Variants in ENPP3 observed in about 807,000 individuals in gnomAD.
ENPP3 encodes the protein ectonucleotide pyrophosphatase/phosphodiesterase 3.
In ENPP3, 104 loss-of-function variants were observed where a neutral mutation model predicts 117.8. That is an observed-to-expected ratio of 0.88 (90% CI 0.75 to 1.04). The LOEUF (loss-of-function observed/expected upper bound fraction) is 1.04, where lower values mean the gene tolerates loss of function less well. ENPP3 is among the 50% of genes least tolerant of loss of function. The pLI is 0.00. For missense variants in ENPP3, 1,026 were observed against 1,051.9 expected (o/e 0.98, Z 0.34); for synonymous variants, 380 against 349.9 (o/e 1.09, Z -0.96).
intron 2 of ENPP3, among the ~76,000 whole-genome samples, chr6:131,641,980 A>C (rs1232598300): frequency 1.3e-5 from 2 of 151,470 alleles, no homozygotes; most frequent in African/African-American, 4.9e-5. Flanking sequence ...GTTTTAGTAG[A>C]GATGGGGTTT....
chr6:131,718,868 G>A (rs1196096507), intron 16 of ENPP3, 130 bp downstream of exon 16: 1 of 517,194 alleles, frequency 1.9e-6, no homozygotes, highest in Non-Finnish European at 3.5e-6. Flanking sequence ...TTACTCAGAT[G>A]TTAAGCCTAG....
At chr6:131,690,322 T>TA (rs1314508551) in intron 14 of ENPP3, among the ~76,000 whole-genome samples, 1 of 152,152 alleles carries the variant, frequency 6.6e-6, no homozygotes, top group African/African-American at 2.4e-5. Flanking sequence ...TTTAAGAAAT[T>TA]ACCACAGCCA....
In ENPP3 at chr6:131,674,172, C is replaced by T. The variant is rs751737303; in HGVS notation, c.653C>T (p.Pro218Leu). 68 of 1,545,264 alleles carry T rather than the reference C, an allele frequency of 4.4e-5. No homozygotes were observed. The African/African-American group carries it at 9.0e-4, about 20-fold the overall frequency. ...AAATTATCATTTTAGGGCTTGTATC[C>T]AGAGTCACATGGCATCATTGACAAT... The part of the protein sequence containing the change: ...NHYTIVTGLY[P>L]ESHGIIDNNM... Residue 218 changes from proline (P) to leucine (L), a missense_variant, in exon 8 of 25, where the codon CCA becomes CTA. By Grantham distance (98) the Pro-to-Leu change is moderately conservative. Transcript: ENST00000357639.
Position 131,677,910 on chromosome 6 carries a change from T to C in ENPP3, c.981T>C (p.Ser327=), listed in dbSNP as rs1778905574. The C allele has an allele frequency of 2.5e-6, 4 of 1,611,898 alleles. No individual in the cohort carries two copies. In the African/African-American group the frequency reaches 4.0e-5, roughly 16 times the overall value. Residue 327 remains serine, a synonymous_variant, in exon 11 of 25, where the codon TCT becomes TCC. Transcript: ENST00000357639. ...TGTATTTTGAAGAACCTGATTCCTC[T>C]GGACATGCAGGTGGACCAGTCAGTG... is the stretch of plus-strand genomic sequence containing the variant. ...YTMYFEEPDS[S]GHAGGPVSAR...
At position 131,737,441 on chromosome 6, in the gene ENPP3, G is replaced by T. The variant is rs772348056; in HGVS notation, c.2167+9G>T. The T allele has an allele frequency of 1.4e-5, 20 of 1,446,300 alleles. No homozygotes were observed. In the Admixed American group the frequency reaches 2.6e-4, roughly 19 times the overall value. 89.6% of individuals were successfully genotyped at this position (1,446,300 alleles called of 1,614,324 possible). A position where few individuals can be genotyped will look rare whatever the true frequency, so the allele number is the denominator to read the frequency against. On this transcript the variant is annotated intron_variant, in intron 22 of 24. Transcript: ENST00000357639. ...GTATGAAGAATTCAGAAGTAAGTAT[G>T]AATTTAGAGTATTAATTTTAAAATA...
In ENPP3 at chr6:131,643,923, CTGTG is replaced by C. The variant is rs754599772; in HGVS notation, c.154+2409_154+2412del. Reference sequence around the variant, plus strand: ...GCCCAAAAGAAGGAATCAGGGTCGTCTGTGTGTGTGTGTGTGTGTCTGTGTGTGT... The same window carrying C: ...GCCCAAAAGAAGGAATCAGGGTCGTCTGTGTGTGTGTGTGTCTGTGTGTGT... On this transcript the variant is annotated intron_variant, in intron 2 of 24. Transcript: ENST00000357639. Among the ~76,000 whole-genome samples the C allele has an allele frequency of 7.7e-5, 11 of 142,314 alleles. No individual in the cohort carries two copies. The East Asian group carries it at 2.0e-3, about 26-fold the overall frequency. 93.4% of individuals were successfully genotyped at this position (142,314 alleles called of 152,430 possible). A position where few individuals can be genotyped will look rare whatever the true frequency, so the allele number is the denominator to read the frequency against.
chr6:131,659,897 T>C (rs1456075326), intron 6 of ENPP3, among the ~76,000 whole-genome samples: 2 of 152,230 alleles, frequency 1.3e-5, no homozygotes, highest in Non-Finnish European at 2.9e-5. Context: ...GAACCTTTTC[T>C]AAAGTGAAAT....
intron 6 of ENPP3, among the ~76,000 whole-genome samples, chr6:131,667,747 A>G (rs1418013695): frequency 6.6e-6 from 1 of 152,200 alleles, no homozygotes; most frequent in East Asian, 1.9e-4. Context: ...GAGCCTCTCA[A>G]GTAGTTTCTG....
At chr6:131,707,422 TGTAA>T (rs1426481495) in intron 15 of ENPP3, among the ~76,000 whole-genome samples, 1 of 74,696 alleles carries the variant, frequency 1.3e-5, no homozygotes, top group African/African-American at 9.6e-5. Flanking sequence ...CTCTTGTAAA[TGTAA>T]GTGTTTTCTG....
intron 16 of ENPP3, among the ~76,000 whole-genome samples, chr6:131,719,382 A>C (rs1260438563): frequency 7.5e-6 from 1 of 133,126 alleles, no homozygotes; most frequent in Admixed American, 7.5e-5. Context: ...TTCCATTTGT[A>C]ACACACACAC....
chr6:131,675,187 C>T lies in ENPP3; in HGVS notation c.870C>T (p.Asn290=), dbSNP rs142885538. ...GSFPSIYMPY[N]GSVPFEERIS... ...TTCCTTCCATATACATGCCTTACAA[C>T]GGGTAGTGAAGCACTTTCAGATATT... The change falls in exon 9 of 25, where the codon AAC becomes AAT. Residue 290 remains asparagine, a splice_region_variant and synonymous_variant. Coordinates refer to ENST00000357639, the MANE Select transcript of ENPP3 (RefSeq NM_005021.5). 3.8e-4 allele frequency: 592 copies of T among 1,548,178 alleles called. No individual in the cohort carries two copies. The highest frequency in any genetic ancestry group is 9.6e-4 in the South Asian group (86 of 89,626).
chr6:131,673,810 A>T (rs1007510149), intron 7 of ENPP3, among the ~76,000 whole-genome samples: 11 of 152,166 alleles, frequency 7.2e-5, no homozygotes, highest in African/African-American at 2.7e-4. Flanking sequence ...CCTAAACAAT[A>T]CAACAATGAT....
chr6:131,701,831 G>C (rs1361375786), intron 15 of ENPP3, among the ~76,000 whole-genome samples: 1 of 149,140 alleles, frequency 6.7e-6, no homozygotes, highest in East Asian at 2.0e-4. Context: ...GCAGTGAGCC[G>C]AGATCGCAAC....
In ENPP3 at chr6:131,685,084, G is replaced by A. The variant is rs558311752; in HGVS notation, c.1121-280G>A. On this transcript the variant is annotated intron_variant, in intron 12 of 24. Coordinates refer to ENST00000357639, the MANE Select transcript of ENPP3 (RefSeq NM_005021.5). ...CAGGTGTGAGCCACGGAGCACAGCC[G>A]AAATAATATACTTTTAAAGGTAAAG... 3.0e-4 allele frequency among the ~76,000 whole-genome samples: 45 copies of A among 152,162 alleles called. 3 individuals are homozygous for A. In the South Asian group the frequency reaches 6.0e-3, roughly 20 times the overall value.
chr6:131,687,412 G>C lies in ENPP3; in HGVS notation c.1284+1505G>C, dbSNP rs537588239. ...TAAGACCTCAAACTATAAAAATCCT[G>C]GAAGGCAACCTAGGAAATACTCTTC... On this transcript the variant is annotated intron_variant, in intron 14 of 24. Transcript: ENST00000357639. 3.9e-5 allele frequency among the ~76,000 whole-genome samples: 6 copies of C among 152,224 alleles called. No homozygotes were observed. In the East Asian group the frequency reaches 9.6e-4, roughly 24 times the overall value.
intron 4 of ENPP3, 28 bp downstream of exon 4, chr6:131,652,695 C>T (rs1454412036): frequency 6.2e-7 from 1 of 1,613,422 alleles, no homozygotes; most frequent in Non-Finnish European, 8.5e-7. Flanking sequence ...GACTCATTTG[C>T]CCCTGCGAGT....
chr6:131,731,300 A>G (rs1030931954), intron 20 of ENPP3, among the ~76,000 whole-genome samples: 15 of 152,142 alleles, frequency 9.9e-5, no homozygotes, highest in Admixed American at 9.2e-4. Context: ...GGGTCTTTCC[A>G]GTCTATAAGC....
chr6:131,693,672 G>A (rs1231401929), intron 15 of ENPP3, 48 bp downstream of exon 15: 1 of 1,566,036 alleles, frequency 6.4e-7, no homozygotes, highest in Non-Finnish European at 8.7e-7. Flanking sequence ...ATAACCATTT[G>A]TCATTATAAG....
intron 18 of ENPP3, 32 bp downstream of exon 18, chr6:131,722,437 G>A (rs372335467): frequency 3.3e-5 from 52 of 1,585,634 alleles, no homozygotes; most frequent in African/African-American, 1.1e-4. Context: ...CCATAAGAAC[G>A]TAAAGGGGCA....
Sources: allele counts gnomAD v4.1 joint callset (sites outside exome capture counted in the v4.1 genomes callset), GRCh38; gene constraint gnomAD v4.1.1; transcripts MANE v1.5; gene names NCBI Gene and HGNC (gene_info 2026-07-23, HGNC 2026-07-21).